The following TEX10 variants were observed in gnomAD, a reference collection of about 807,000 sequenced individuals.
The protein encoded by TEX10 is testis-expressed protein 10.
In TEX10, 24 loss-of-function variants were observed where a neutral mutation model predicts 104.4. That is an observed-to-expected ratio of 0.23 (90% CI 0.17 to 0.32). The LOEUF (loss-of-function observed/expected upper bound fraction) is 0.32. TEX10 is among the 10% of genes least tolerant of loss of function. The pLI is 1.00. For synonymous variants in TEX10, 396 were observed against 393.4 expected (o/e 1.01, Z -0.08); for missense variants, 921 against 1,083.9 (o/e 0.85, Z 2.11).
chr9:100,348,910 AAAATAAATAAAT>A (rs780146370), intron 2 of TEX10, among the ~76,000 whole-genome samples: 2 of 152,112 alleles, frequency 1.3e-5, no homozygotes, highest in Non-Finnish European at 2.9e-5. Flanking sequence ...GACCTGTCTC[AAAATAAATAAAT>A]AAATAAATAA....
intron 5 of TEX10, among the ~76,000 whole-genome samples, chr9:100,337,656 C>G (rs1835044803): frequency 6.6e-6 from 1 of 152,182 alleles, no homozygotes. Flanking sequence ...AAGATGAACT[C>G]CTGAGTCAAG....
intron 5 of TEX10, among the ~76,000 whole-genome samples, chr9:100,331,277 T>A (rs571198720): frequency 1.3e-3 from 193 of 150,758 alleles, no homozygotes; most frequent in African/African-American, 4.4e-3. Context: ...AATAAATAAA[T>A]AAAAATAAAA....
At chr9:100,325,005 A>G (rs1307740537) in intron 9 of TEX10, among the ~76,000 whole-genome samples, 7 of 152,210 alleles carry the variant, frequency 4.6e-5, no homozygotes, top group African/African-American at 1.7e-4. Context: ...TATACAAGGA[A>G]GAAATAAACC....
intron 5 of TEX10, among the ~76,000 whole-genome samples, chr9:100,332,269 C>T (rs1834881421): frequency 6.6e-6 from 1 of 152,204 alleles, no homozygotes; most frequent in Non-Finnish European, 1.5e-5. Flanking sequence ...ACAGTAAACA[C>T]TGGGATAGAA....
chr9:100,342,690 T>C (rs910962245), intron 4 of TEX10, among the ~76,000 whole-genome samples: 3 of 152,092 alleles, frequency 2.0e-5, no homozygotes, highest in African/African-American at 7.2e-5. Flanking sequence ...ATAAAAGCAA[T>C]GAGACACACA....
chr9:100,336,635 A>G (rs1835017651), intron 5 of TEX10, among the ~76,000 whole-genome samples: 1 of 152,198 alleles, frequency 6.6e-6, no homozygotes, highest in South Asian at 2.1e-4. Flanking sequence ...ACGTATTACA[A>G]TGTAATAATA....
intron 4 of TEX10, among the ~76,000 whole-genome samples, chr9:100,345,761 A>G (rs2118931462): frequency 6.6e-6 from 1 of 152,284 alleles, no homozygotes; most frequent in East Asian, 1.9e-4. Flanking sequence ...AGAAACTAGA[A>G]TGTTCCTACA....
chr9:100,326,604 C>A, intron 8 of TEX10, 125 bp from the exon 9 acceptor site: 1 of 885,370 alleles, frequency 1.1e-6, no homozygotes. Context: ...TTATGAATAT[C>A]AATTACATAA....
At chr9:100,316,829 T>A (rs1834428520) in intron 11 of TEX10, among the ~76,000 whole-genome samples, 1 of 139,774 alleles carries the variant, frequency 7.2e-6, no homozygotes, top group Admixed American at 7.7e-5. Flanking sequence ...CAAAAATCAG[T>A]ACATTTCTAT....
intron 5 of TEX10, among the ~76,000 whole-genome samples, chr9:100,336,036 A>C (rs10989056): frequency 6.6e-6 from 1 of 151,326 alleles, no homozygotes; most frequent in East Asian, 1.9e-4. Context: ...GCATAGTGGC[A>C]CATGCCTATA....
At chr9:100,307,703 T>A (rs1253541116) in intron 13 of TEX10, 1 of 152,100 alleles carries the variant, frequency 6.6e-6, no homozygotes, top group East Asian at 1.9e-4. Context: ...CTGTGCAGGG[T>A]ACATTAACAG....
At chr9:100,320,078 G>C (rs1261039792) in intron 11 of TEX10, among the ~76,000 whole-genome samples, 187 bp downstream of exon 11, 1 of 152,032 alleles carries the variant, frequency 6.6e-6, no homozygotes, top group Non-Finnish European at 1.5e-5. Flanking sequence ...GATTTGTTCT[G>C]TTCTAGTGGC....
chr9:100,340,235 C>G, intron 5 of TEX10, 22 bp downstream of exon 5: 2 of 1,440,504 alleles, frequency 1.4e-6, no homozygotes, highest in Non-Finnish European at 1.9e-6. Context: ...CAAGGTTATA[C>G]AGTGAAAAAG....
At chr9:100,324,064 C>T (rs1834643362) in intron 9 of TEX10, among the ~76,000 whole-genome samples, 1 of 152,074 alleles carries the variant, frequency 6.6e-6, no homozygotes, top group African/African-American at 2.4e-5. Context: ...ATGGAGTCTC[C>T]TTCTGTCACC....
At chr9:100,321,231 T>C (rs1166218955) in intron 10 of TEX10, among the ~76,000 whole-genome samples, 1 of 152,246 alleles carries the variant, frequency 6.6e-6, no homozygotes, top group African/African-American at 2.4e-5. Flanking sequence ...TCTTGCTAGA[T>C]TCAGCATAGT....
At position 100,329,917 on chromosome 9, in the gene TEX10, G is replaced by A. The variant is rs1242847901; in HGVS notation, c.1489+14C>T. 5.0e-6 allele frequency: 8 copies of A among 1,592,286 alleles called. No homozygotes were observed. The highest frequency in any genetic ancestry group is 3.4e-5 in the Admixed American group (2 of 58,038). On this transcript the variant is annotated intron_variant, in intron 6 of 14. Transcript: ENST00000374902. ...AGCTCCACTCTTAAATAAGGGCAAA[G>A]TAGCATCACCTACCTCTGTTTGGCT...
chr9:100,324,750 G>C (rs896900918), intron 9 of TEX10, among the ~76,000 whole-genome samples: 8 of 152,126 alleles, frequency 5.3e-5, no homozygotes, highest in African/African-American at 1.9e-4. Flanking sequence ...AACATTCAAG[G>C]GGTGATTTAA....
Position 100,346,284 on chromosome 9 carries a change from C to T in TEX10, c.925G>A (p.Glu309Lys), listed in dbSNP as rs1564221315. 3.7e-6 allele frequency: 6 copies of T among 1,613,812 alleles called. No homozygotes were observed. The highest frequency in any genetic ancestry group is 5.1e-6 in the Non-Finnish European group (6 of 1,179,922). Residue 309 changes from glutamate to lysine, a missense_variant, in exon 4 of 15, where the codon GAA becomes AAA. By Grantham distance (56) the Glu-to-Lys change is moderately conservative. Transcript: ENST00000374902. Reference sequence around the variant, plus strand: ...AGGTTTTCAGTAGATGACAGGCCTTCATCCACACCACTCAGTCCTCCAACC... The same window carrying T: ...AGGTTTTCAGTAGATGACAGGCCTTTATCCACACCACTCAGTCCTCCAACC... ...YLVGGLSGVD[E>K]GLSSTENLKG... is the part of the protein sequence containing the mutation.
At chr9:100,316,915 A>C (rs1032503636) in intron 11 of TEX10, among the ~76,000 whole-genome samples, 1 of 151,168 alleles carries the variant, frequency 6.6e-6, no homozygotes, top group African/African-American at 2.4e-5. Context: ...AAAAAAAAAA[A>C]ACCTAGGAAT....
Sources: gnomAD v4.1 joint callset for allele counts (sites outside exome capture counted in the v4.1 genomes callset) on GRCh38, gnomAD v4.1.1 for gene constraint, MANE v1.5 for transcripts, NCBI Gene and HGNC (gene_info 2026-07-23, HGNC 2026-07-21) for gene names.